Variants in ADAMTS3 observed in about 807,000 individuals in gnomAD.
The protein encoded by ADAMTS3 is A disintegrin and metalloproteinase with thrombospondin motifs 3.
Under a neutral mutation model 129.0 loss-of-function variants are expected in ADAMTS3, and 73 were observed. That is an observed-to-expected ratio of 0.57 (90% CI 0.47 to 0.69). The LOEUF (loss-of-function observed/expected upper bound fraction) is 0.69, where lower values mean the gene tolerates loss of function less well. Among genes scored for constraint, ADAMTS3 ranks in the 30% least tolerant of loss-of-function variants. The probability of loss-of-function intolerance (pLI) is 0.00; values close to 1 mark genes in which losing one functional copy is unlikely to be tolerated. For missense variants in ADAMTS3, 1,457 were observed against 1,514.5 expected (o/e 0.96, Z 0.63); for synonymous variants, 477 against 510.8 (o/e 0.93, Z 0.89).
At chr4:72,403,434 T>TA (rs1288184749) in intron 4 of ADAMTS3, among the ~76,000 whole-genome samples, 9 of 146,410 alleles carry the variant, frequency 6.1e-5, no homozygotes, top group Admixed American at 4.2e-4. Flanking sequence ...GAATTTGGGA[T>TA]AAAACTCAAT....
At chr4:72,568,499 T>C (rs1722079508) in intron 1 of ADAMTS3, among the ~76,000 whole-genome samples, 195 bp downstream of exon 1, 1 of 151,770 alleles carries the variant, frequency 6.6e-6, no homozygotes, top group Non-Finnish European at 1.5e-5. Flanking sequence ...AGTCGTAACC[T>C]CCCGTGCAAC....
At chr4:72,450,700 C>A (rs1242976946) in intron 3 of ADAMTS3, among the ~76,000 whole-genome samples, 1 of 151,194 alleles carries the variant, frequency 6.6e-6, no homozygotes, top group Admixed American at 6.6e-5. Flanking sequence ...AGTGTAGACT[C>A]CATGAAGCTT....
chr4:72,436,075 A>C (rs999057867), intron 3 of ADAMTS3, among the ~76,000 whole-genome samples: 1 of 152,080 alleles, frequency 6.6e-6, no homozygotes, highest in African/African-American at 2.4e-5. Context: ...CAACCTACAG[A>C]ATGGGAGAAA....
At chr4:72,402,954 C>T (rs531288202) in intron 4 of ADAMTS3, among the ~76,000 whole-genome samples, 1 of 152,186 alleles carries the variant, frequency 6.6e-6, no homozygotes, top group East Asian at 1.9e-4. Flanking sequence ...ATTTTAGTCC[C>T]TATACCTGGA....
In ADAMTS3 at chr4:72,319,414, C is replaced by G. The variant is rs767292562; in HGVS notation, c.1270G>C (p.Val424Leu). The part of the protein sequence containing the change: ...RCGDETAMGS[V>L]MAPLVQAAFH... Reference sequence around the variant, plus strand: ...GCTGCTTGTACCAAGGGAGCCATGACACTTCCCATAGCAGTCTCATCACCA... The same window carrying G: ...GCTGCTTGTACCAAGGGAGCCATGAGACTTCCCATAGCAGTCTCATCACCA... The change falls in exon 9 of 22, where the codon GTC becomes CTC. Residue 424 changes from valine (V) to leucine (L), a missense_variant. Transcript: ENST00000286657. The G allele has an allele frequency of 6.2e-7, 1 of 1,613,984 alleles. No homozygotes were observed. The highest frequency in any genetic ancestry group is 8.5e-7 in the Non-Finnish European group (1 of 1,179,924).
intron 3 of ADAMTS3, among the ~76,000 whole-genome samples, chr4:72,465,629 T>G (rs572292804): frequency 6.6e-6 from 1 of 151,998 alleles, no homozygotes; most frequent in African/African-American, 2.4e-5. Flanking sequence ...TCTACCTTCA[T>G]GAAGTTTGGG....
At chr4:72,440,603 T>C (rs374763951) in intron 3 of ADAMTS3, among the ~76,000 whole-genome samples, 1 of 151,810 alleles carries the variant, frequency 6.6e-6, no homozygotes, top group Non-Finnish European at 1.5e-5. Flanking sequence ...AAAGCAGATA[T>C]GCAATCACAC....
In ADAMTS3 at chr4:72,293,142, C is replaced by T. The variant is rs180678362; in HGVS notation, c.2724-2080G>A. On this transcript the variant is annotated intron_variant, in intron 19 of 21. Coordinates refer to ENST00000286657, the MANE Select transcript of ADAMTS3 (RefSeq NM_014243.3). ...CAGATCTAAGAAGAATGAAGTCCAA[C>T]TCAGCAGTACAAGGTGATGAGCAAA... Among the ~76,000 whole-genome samples, 10 of 152,310 alleles carry T rather than the reference C, an allele frequency of 6.6e-5. No homozygotes were observed. In the East Asian group the frequency reaches 1.7e-3, roughly 26 times the overall value.
At chr4:72,449,764 T>C (rs1414098773) in intron 3 of ADAMTS3, among the ~76,000 whole-genome samples, 2 of 151,782 alleles carry the variant, frequency 1.3e-5, no homozygotes, top group Non-Finnish European at 2.9e-5. Context: ...CCATCTGTTT[T>C]GTCTTTTAAT....
At chr4:72,307,226 A>C (rs1719111192) in intron 15 of ADAMTS3, among the ~76,000 whole-genome samples, 1 of 152,054 alleles carries the variant, frequency 6.6e-6, no homozygotes, top group East Asian at 1.9e-4. Context: ...GTCCTAACTA[A>C]ATAAAGTGGT....
chr4:72,453,850 AGAGG>A (rs1481479192), intron 3 of ADAMTS3, among the ~76,000 whole-genome samples: 1 of 150,714 alleles, frequency 6.6e-6, no homozygotes, highest in Non-Finnish European at 1.5e-5. Context: ...TAAAAGCAGG[AGAGG>A]CTCCCCTCTG....
chr4:72,398,595 A>G (rs1450056171), intron 4 of ADAMTS3, among the ~76,000 whole-genome samples: 1 of 152,060 alleles, frequency 6.6e-6, no homozygotes, highest in Non-Finnish European at 1.5e-5. Flanking sequence ...ATAAATACAT[A>G]CATACATAAA....
At chr4:72,559,362 T>C (rs1393470749) in intron 2 of ADAMTS3, among the ~76,000 whole-genome samples, 10 of 151,866 alleles carry the variant, frequency 6.6e-5, no homozygotes, top group Admixed American at 2.6e-4. Context: ...GGAATCCATA[T>C]GGAATAACTG....
chr4:72,437,355 A>C (rs1425956542), intron 3 of ADAMTS3, among the ~76,000 whole-genome samples: 1 of 151,838 alleles, frequency 6.6e-6, no homozygotes. Context: ...CGTACATCGA[A>C]AATTTATCAA....
intron 3 of ADAMTS3, among the ~76,000 whole-genome samples, chr4:72,450,084 C>T (rs1372001486): frequency 6.6e-6 from 1 of 151,658 alleles, no homozygotes; most frequent in Non-Finnish European, 1.5e-5. Context: ...AGAACAGTGC[C>T]AAACATAACT....
chr4:72,305,429 G>C (rs566097459), intron 16 of ADAMTS3, among the ~76,000 whole-genome samples: 1 of 152,046 alleles, frequency 6.6e-6, no homozygotes, highest in Middle Eastern at 3.4e-3. Context: ...CAAAATATCA[G>C]AACTTATTTG....
intron 3 of ADAMTS3, among the ~76,000 whole-genome samples, chr4:72,535,776 T>C (rs1413616247): frequency 6.6e-6 from 1 of 152,014 alleles, no homozygotes; most frequent in East Asian, 1.9e-4. Flanking sequence ...AGGTAGCATA[T>C]TAAACACCAT....
At chr4:72,425,904 A>G (rs4593095) in intron 3 of ADAMTS3, among the ~76,000 whole-genome samples, 105,676 of 149,602 alleles carry the variant, frequency 0.71, 37,444 homozygotes, top group South Asian at 0.8. Context: ...CTGAGGAATC[A>G]CCACACTGAC....
chr4:72,502,567 T>G (rs1720053539), intron 3 of ADAMTS3, among the ~76,000 whole-genome samples: 1 of 152,118 alleles, frequency 6.6e-6, no homozygotes, highest in South Asian at 2.1e-4. Flanking sequence ...TACTTCTGGT[T>G]GCTTTGATTC....
Sources: gnomAD v4.1 joint callset for allele counts (sites outside exome capture counted in the v4.1 genomes callset) on GRCh38, gnomAD v4.1.1 for gene constraint, MANE v1.5 for transcripts, NCBI Gene and HGNC (gene_info 2026-07-23, HGNC 2026-07-21) for gene names.